CLMN: variants seen among roughly 807,000 people sequenced by gnomAD.
The protein encoded by CLMN is calmin (calponin-like, transmembrane).
A neutral mutation model predicts 92.7 loss-of-function variants in CLMN; 57 were observed. That is an observed-to-expected ratio of 0.61 (90% CI 0.50 to 0.77). The LOEUF is 0.77. Among genes scored for constraint, CLMN ranks in the 30% least tolerant of loss-of-function variants. The pLI is 0.00. For missense variants in CLMN, 1,158 were observed against 1,237.5 expected (o/e 0.94, Z 0.96); for synonymous variants, 466 against 470.6 (o/e 0.99, Z 0.13).
intron 1 of CLMN, among the ~76,000 whole-genome samples, chr14:95,274,978 CAAAAA>C (rs5810718): frequency 3.9e-5 from 3 of 76,364 alleles, no homozygotes; most frequent in Middle Eastern, 0.01. Flanking sequence ...CACTCTGTCT[CAAAAA>C]AAAAAAAAAA....
intron 9 of CLMN, among the ~76,000 whole-genome samples, chr14:95,202,347 G>T (rs1164392497): frequency 6.6e-6 from 1 of 152,110 alleles, no homozygotes; most frequent in South Asian, 2.1e-4. Flanking sequence ...GAGCTTTTTT[G>T]ATTTTTAAAG....
intron 1 of CLMN, among the ~76,000 whole-genome samples, chr14:95,284,542 CA>C (rs1377628477): frequency 6.6e-6 from 1 of 152,226 alleles, no homozygotes; most frequent in Non-Finnish European, 1.5e-5. Flanking sequence ...TGCAAAGCCA[CA>C]GGTGGGGAGC....
intron 1 of CLMN, chr14:95,260,747 G>A (rs969117671): frequency 6.6e-6 from 1 of 152,258 alleles, no homozygotes; most frequent in African/African-American, 2.4e-5. Flanking sequence ...CCTGGTGGAA[G>A]TGTCTTTGAC....
chr14:95,203,532 C>A lies in CLMN; in HGVS notation c.1817G>T (p.Gly606Val). The change falls in exon 9 of 13, where the codon GGT becomes GTT. Residue 606 changes from glycine to valine, a missense_variant. Gly to Val is a moderately radical substitution (Grantham distance 109). Transcript: ENST00000298912. ...GTGAGCAGATTTAATACTCCTTTTA[C>A]CTAGTTTTTCAGCATGATTCTCAAA... ...EAFENHAEKL[G>V]KRSIKSAHKK... 6.2e-7 allele frequency: 1 copy of A among 1,614,126 alleles called. No homozygotes were observed. Among genetic ancestry groups the A allele is most frequent in the Non-Finnish European group, 8.5e-7 (1 of 1,180,026 alleles).
At chr14:95,313,009 C>T (rs1901608586) in intron 1 of CLMN, among the ~76,000 whole-genome samples, 1 of 152,158 alleles carries the variant, frequency 6.6e-6, no homozygotes, top group African/African-American at 2.4e-5. Context: ...AGTTCGAGAC[C>T]AGCCTGGCCA....
chr14:95,316,963 CA>C (rs1027028790), intron 1 of CLMN, among the ~76,000 whole-genome samples: 8 of 152,204 alleles, frequency 5.3e-5, no homozygotes, highest in African/African-American at 1.9e-4. Flanking sequence ...CTTCCATCGC[CA>C]CGACAACTGC....
intron 1 of CLMN, among the ~76,000 whole-genome samples, chr14:95,233,453 A>G (rs535214644): frequency 4.6e-5 from 7 of 152,188 alleles, no homozygotes; most frequent in African/African-American, 1.7e-4. Flanking sequence ...CCATCCATCC[A>G]TCCATCCATC....
At chr14:95,289,900 C>T (rs1370626331) in intron 1 of CLMN, among the ~76,000 whole-genome samples, 1 of 152,216 alleles carries the variant, frequency 6.6e-6, no homozygotes, top group Non-Finnish European at 1.5e-5. Flanking sequence ...CTTGTCACCT[C>T]CCCCACCAGG....
At position 95,203,894 on chromosome 14, in the gene CLMN, GGAGGATTCTGGAATCTTC is replaced by G. The variant is rs576493570; in HGVS notation, c.1437_1454del (p.Lys480_Ser485del). On this transcript the variant is annotated inframe_deletion, in exon 9 of 13. Coordinates refer to ENST00000298912, the MANE Select transcript of CLMN (RefSeq NM_024734.4). Reference sequence around the variant, plus strand: ...AAATGTCACCAGCGACCTTGTCAGAGGAGGATTCTGGAATCTTCGAGGATTCCTGTTTCTGTTCCTTTT... The same window carrying G: ...AAATGTCACCAGCGACCTTGTCAGAGGAGGATTCCTGTTTCTGTTCCTTTT... 521 of 1,614,208 alleles carry G rather than the reference GGAGGATTCTGGAATCTTC, an allele frequency of 3.2e-4. 8 individuals are homozygous for G. The South Asian group carries it at 5.4e-3, about 17-fold the overall frequency.
chr14:95,318,528 A>G (rs1901893814), intron 1 of CLMN, among the ~76,000 whole-genome samples: 1 of 152,050 alleles, frequency 6.6e-6, no homozygotes, highest in African/African-American at 2.4e-5. Flanking sequence ...TAATGTTTAA[A>G]CTTGACTGCT....
intron 1 of CLMN, among the ~76,000 whole-genome samples, chr14:95,282,265 G>A (rs941578132): frequency 6.6e-6 from 1 of 152,192 alleles, no homozygotes; most frequent in African/African-American, 2.4e-5. Flanking sequence ...CACTTCTAGG[G>A]AACCATGGAG....
intron 1 of CLMN, among the ~76,000 whole-genome samples, chr14:95,264,826 T>A (rs1359149841): frequency 1.3e-5 from 2 of 151,674 alleles, no homozygotes; most frequent in African/African-American, 4.8e-5. Flanking sequence ...TAATCCCAGC[T>A]CTTTGGGAGG....
At chr14:95,258,139 G>A (rs58293340) in intron 1 of CLMN, among the ~76,000 whole-genome samples, 12,762 of 151,856 alleles carry the variant, frequency 0.084, 551 homozygotes, top group South Asian at 0.094. Context: ...TGTTTGTGTG[G>A]GGATATGATA....
intron 1 of CLMN, among the ~76,000 whole-genome samples, chr14:95,290,908 C>T (rs143559745): frequency 1.3e-5 from 2 of 152,248 alleles, no homozygotes; most frequent in African/African-American, 2.4e-5. Flanking sequence ...GGGATACCGA[C>T]GCAGAATAAC....
chr14:95,245,174 T>TTA (rs1226855465), intron 1 of CLMN, among the ~76,000 whole-genome samples: 145 of 50,416 alleles, frequency 2.9e-3, no homozygotes, highest in African/African-American at 3.7e-3. Flanking sequence ...ACTGGTTATA[T>TTA]TATATATATA....
chr14:95,254,767 G>A (rs182568309), intron 1 of CLMN, among the ~76,000 whole-genome samples: 354 of 152,146 alleles, frequency 2.3e-3, no homozygotes, highest in African/African-American at 8.0e-3. Flanking sequence ...GTGCAATTAC[G>A]GCTCACTGCA....
At chr14:95,243,728 T>A (rs1873964975) in intron 1 of CLMN, among the ~76,000 whole-genome samples, 1 of 151,806 alleles carries the variant, frequency 6.6e-6, no homozygotes. Context: ...TATTTTTTTT[T>A]TTTTTTTTAG....
At chr14:95,227,448 G>A (rs1352628494) in intron 2 of CLMN, among the ~76,000 whole-genome samples, 2 of 152,114 alleles carry the variant, frequency 1.3e-5, no homozygotes, top group East Asian at 1.9e-4. Context: ...AGGCTCTTAC[G>A]GAAATGTTAT....
chr14:95,203,415 G>A lies in CLMN; in HGVS notation c.1934C>T (p.Ala645Val), dbSNP rs778685020. ...SGEEAEGCPS[A>V]PEETPVDKKP... Reference sequence around the variant, plus strand: ...TTTATCCACTGGTGTCTCTTCTGGGGCTGAAGGACAGCCTTCAGCTTCTTC... The same window carrying A: ...TTTATCCACTGGTGTCTCTTCTGGGACTGAAGGACAGCCTTCAGCTTCTTC... The change falls in exon 9 of 13, where the codon GCC becomes GTC. Residue 645 changes from alanine (A) to valine (V), a missense_variant. Coordinates refer to ENST00000298912, the MANE Select transcript of CLMN (RefSeq NM_024734.4). The A allele has an allele frequency of 2.5e-6, 4 of 1,614,138 alleles. No homozygotes were observed. The highest frequency in any genetic ancestry group is 2.5e-6 in the Non-Finnish European group (3 of 1,180,040).
Sources: allele counts gnomAD v4.1 joint callset (sites outside exome capture counted in the v4.1 genomes callset), GRCh38; gene constraint gnomAD v4.1.1; transcripts MANE v1.5; gene names NCBI Gene and HGNC (gene_info 2026-07-23, HGNC 2026-07-21).